The following RYR1 variants were observed in gnomAD, a reference collection of about 807,000 sequenced individuals.
RYR1 encodes central core disease of muscle.
In RYR1, 342 loss-of-function variants were observed where a neutral mutation model predicts 583.5. The ratio of observed to expected loss-of-function variants is 0.59; its 90% CI spans 0.54 to 0.64. The LOEUF is 0.64. Among genes scored for constraint, RYR1 ranks in the 30% least tolerant of loss-of-function variants. The probability of loss-of-function intolerance (pLI) is 0.00; values close to 1 mark genes in which losing one functional copy is unlikely to be tolerated. For missense variants in RYR1, 6,032 were observed against 6,917.2 expected (o/e 0.87, Z 4.54); for synonymous variants, 2,791 against 2,822.5 (o/e 0.99, Z 0.35).
At chr19:38,557,646 A>T (rs1357348957) in intron 89 of RYR1, among the ~76,000 whole-genome samples, 2 of 152,216 alleles carry the variant, frequency 1.3e-5, no homozygotes, top group African/African-American at 2.4e-5. Flanking sequence ...CCTACAAAAA[A>T]TACAAAAATT....
chr19:38,437,469 TTTTA>T (rs1248879499), intron 1 of RYR1, among the ~76,000 whole-genome samples: 2 of 152,108 alleles, frequency 1.3e-5, no homozygotes, highest in African/African-American at 2.4e-5. Context: ...GGCAAGTGAT[TTTTA>T]TTTTTCTCTC....
rs1968180034 is a variant in RYR1, at chr19:38,467,673, C to T, written c.3242C>T (p.Thr1081Ile). 1.2e-6 allele frequency: 2 copies of T among 1,614,132 alleles called. No individual in the cohort carries two copies. The highest frequency in any genetic ancestry group is 1.7e-6 in the Non-Finnish European group (2 of 1,180,054). Residue 1081 changes from threonine (T) to isoleucine (I), a missense_variant, in exon 25 of 106, where the codon ACA (threonine) becomes ATA (isoleucine). Coordinates refer to ENST00000359596, the MANE Select transcript of RYR1 (RefSeq NM_000540.3). Reference sequence around the variant, plus strand: ...ATCTTCCGGGCAGAGAAATCCTATACAGTGCAGAGCGGCCGCTGGTACTTC... The same window carrying T: ...ATCTTCCGGGCAGAGAAATCCTATATAGTGCAGAGCGGCCGCTGGTACTTC... ...VRIFRAEKSY[T>I]VQSGRWYFEF...
At position 38,516,073 on chromosome 19, in the gene RYR1, G is replaced by A. The variant is rs763353979; in HGVS notation, c.9555-14G>A. The A allele has an allele frequency of 1.2e-4, 190 of 1,546,458 alleles. No homozygotes were observed. The highest frequency in any genetic ancestry group is 1.6e-4 in the Non-Finnish European group (185 of 1,144,880). ...GGGGGACACGTGGCAGCTAAACACA[G>A]CCCCGTCTTCCAGGCTTCGGCCAGC... On this transcript the variant is annotated splice_polypyrimidine_tract_variant and intron_variant, in intron 64 of 105. Coordinates refer to ENST00000359596, the MANE Select transcript of RYR1 (RefSeq NM_000540.3).
At position 38,572,151 on chromosome 19, in the gene RYR1, A is replaced by C; in HGVS notation, c.13879A>C (p.Asn4627His). 1 of 1,613,140 alleles carries C rather than the reference A, an allele frequency of 6.2e-7. No homozygotes were observed. Among genetic ancestry groups the C allele is most frequent in the Non-Finnish European group, 8.5e-7 (1 of 1,179,794 alleles). ...GEEAEGDEDE[N>H]MVYYFLEEST... is the part of the protein sequence containing the mutation. The stretch of plus-strand genomic sequence containing the variant: ...GGAGGCAGAGGGCGATGAGGATGAG[A>C]ACATGGTGTACTACTTCCTGGAGGA... Residue 4627 changes from asparagine to histidine, a missense_variant, in exon 95 of 106, where the codon AAC (asparagine) becomes CAC (histidine). Coordinates refer to ENST00000359596, the MANE Select transcript of RYR1 (RefSeq NM_000540.3).
At position 38,504,226 on chromosome 19, in the gene RYR1, A is replaced by G. The variant is rs201754005; in HGVS notation, c.7933A>G (p.Thr2645Ala). 2 of 1,612,444 alleles carry G rather than the reference A, an allele frequency of 1.2e-6. No homozygotes were observed. Among genetic ancestry groups the G allele is most frequent in the Non-Finnish European group, 1.7e-6 (2 of 1,179,484 alleles). The change falls in exon 50 of 106, where the codon ACC becomes GCC. Residue 2645 changes from threonine (T) to alanine (A), a missense_variant. Coordinates refer to ENST00000359596, the MANE Select transcript of RYR1 (RefSeq NM_000540.3). ...CCCTCTTGTTCCCACCCAGCTCCTC[A>G]CCAACCACTATGAGCGCTGTTGGAA... ...EFAKMPLKLL[T>A]NHYERCWKYY...
chr19:38,532,754 G>A lies in RYR1; in HGVS notation c.11259+18G>A, dbSNP rs1359533477. On this transcript the variant is annotated intron_variant, in intron 78 of 105. Transcript: ENST00000359596. ...CCTTTGAGGTAGGTGGGCTCAGGAG[G>A]TCCTGGAGGGAAGGGATGGGGGACC... 2 of 1,613,094 alleles carry A rather than the reference G, an allele frequency of 1.2e-6. No homozygotes were observed. The highest frequency in any genetic ancestry group is 3.3e-5 in the Admixed American group (2 of 59,982).
At chr19:38,566,652 G>A (rs1211857988) in intron 91 of RYR1, among the ~76,000 whole-genome samples, 1 of 151,706 alleles carries the variant, frequency 6.6e-6, no homozygotes, top group African/African-American at 2.4e-5. Context: ...AAGGTGGTGG[G>A]AAGCCCTGGG....
intron 35 of RYR1, among the ~76,000 whole-genome samples, chr19:38,489,723 G>A (rs562236983): frequency 6.6e-5 from 10 of 152,274 alleles, no homozygotes; most frequent in African/African-American, 2.4e-4. Context: ...CCGCCTCCCG[G>A]GTTCAAGCAA....
rs112148182 is a variant in RYR1, at chr19:38,537,747, A to T, written c.11609-133A>T. 0.069 allele frequency: 58,292 copies of T among 849,598 alleles called. 3,397 individuals carry two copies. Among genetic ancestry groups the T allele is most frequent in the South Asian group, 0.21 (15,893 of 74,262 alleles). The allele number at this position is 849,598 out of a possible 1,614,324, so 52.6% of individuals were successfully genotyped here. A position where few individuals can be genotyped will look rare whatever the true frequency, so the allele number is the denominator to read the frequency against. ...CCCATGGCCCTCACAGTGTCTTTGG[A>T]GTGGCAGCTGCTCCTCCCAGCACCC... On this transcript the variant is annotated intron_variant, in intron 83 of 105. Coordinates refer to ENST00000359596, the MANE Select transcript of RYR1 (RefSeq NM_000540.3).
At chr19:38,484,314 G>A (rs1969165353) in intron 33 of RYR1, among the ~76,000 whole-genome samples, 1 of 151,734 alleles carries the variant, frequency 6.6e-6, no homozygotes, top group African/African-American at 2.4e-5. Flanking sequence ...TCTGAACGTG[G>A]GAGGAATCCC....
At chr19:38,443,917 C>T (rs562374701) in intron 5 of RYR1, 121 bp downstream of exon 5, 12 of 950,618 alleles carry the variant, frequency 1.3e-5, no homozygotes, top group East Asian at 7.6e-5. Context: ...ATGGGGGCTT[C>T]GTAGCAGAGA....
At position 38,527,796 on chromosome 19, in the gene RYR1, C is replaced by A. The variant is rs1971536516; in HGVS notation, c.10824+12C>A. The A allele has an allele frequency of 2.5e-6, 4 of 1,612,344 alleles. No individual in the cohort carries two copies. The highest frequency in any genetic ancestry group is 3.3e-4 in the Middle Eastern group (2 of 6,018). ...ACTACCTGGACCAGGTGGGTGGGGC[C>A]GGAGGGGTCTTTCTACTGGGTCTCT... On this transcript the variant is annotated intron_variant, in intron 73 of 105. Transcript: ENST00000359596.
chr19:38,482,877 G>T, intron 31 of RYR1, 150 bp from the exon 32 acceptor site: 1 of 728,612 alleles, frequency 1.4e-6, no homozygotes, highest in African/African-American at 1.7e-5. Flanking sequence ...TGGATCAGAG[G>T]TGGGACAGTC....
intron 27 of RYR1, among the ~76,000 whole-genome samples, chr19:38,471,396 G>A (rs185756832): frequency 8.6e-4 from 131 of 152,246 alleles, no homozygotes; most frequent in African/African-American, 2.5e-3. Flanking sequence ...TGGGCATGGT[G>A]GTATGTGCCT....
intron 84 of RYR1, chr19:38,538,702 G>A (rs1972079520): frequency 6.6e-6 from 1 of 152,288 alleles, no homozygotes. Context: ...TAAAATCTTT[G>A]CAGAGGAAAG....
At chr19:38,437,370 GA>G (rs1972474399) in intron 1 of RYR1, among the ~76,000 whole-genome samples, 1 of 152,020 alleles carries the variant, frequency 6.6e-6, no homozygotes, top group African/African-American at 2.4e-5. Context: ...TCTAATTCAG[GA>G]AAAGTTTGAG....
In RYR1 at chr19:38,459,327, G is replaced by A. The variant is rs753447100; in HGVS notation, c.2349G>A (p.Ser783=). ...TCTTCTTCCCTGTTGTCAGCTTCTCGGCTGGTGTCAAGTGAGAACTTGCCC... is the reference window on the plus strand; with the variant it reads ...TCTTCTTCCCTGTTGTCAGCTTCTCAGCTGGTGTCAAGTGAGAACTTGCCC... The part of the protein sequence containing the change: ...DGLFFPVVSF[S]AGVKVRFLLG... Residue 783 remains serine (S), a synonymous_variant, in exon 19 of 106, where the codon TCG becomes TCA. Transcript: ENST00000359596. 31 of 1,613,822 alleles carry A rather than the reference G, an allele frequency of 1.9e-5. No homozygotes were observed. Among genetic ancestry groups the A allele is most frequent in the Middle Eastern group, 1.6e-4 (1 of 6,076 alleles).
rs767437406 is a variant in RYR1, at chr19:38,548,375, C to T, written c.12237C>T (p.Tyr4079=). 9.9e-5 allele frequency: 160 copies of T among 1,614,020 alleles called. No individual in the cohort carries two copies. The highest frequency in any genetic ancestry group is 1.6e-4 in the Middle Eastern group (1 of 6,084). ...DIVGSEAFQD[Y]VTDPRGLISK... is the part of the protein sequence containing the mutation. Reference sequence around the variant, plus strand: ...TGGGCTCTGAAGCCTTCCAGGACTACGTAACGGATCCCCGTGGCCTCATCT... The same window carrying T: ...TGGGCTCTGAAGCCTTCCAGGACTATGTAACGGATCCCCGTGGCCTCATCT... The change falls in exon 89 of 106, where the codon TAC becomes TAT. Residue 4079 remains tyrosine, a synonymous_variant. Transcript: ENST00000359596.
At position 38,507,816 on chromosome 19, in the gene RYR1, T is replaced by C. The variant is rs1020896447; in HGVS notation, c.8921T>C (p.Ile2974Thr). The C allele has an allele frequency of 4.0e-5, 65 of 1,610,494 alleles. No homozygotes were observed. The highest frequency in any genetic ancestry group is 5.2e-5 in the Non-Finnish European group (61 of 1,177,278). ...TGGATGGACATTTCTCAGGAGTTCA[T>C]TGCCCACCTGGGTACGGAGAAATAC... is the stretch of plus-strand genomic sequence containing the variant. ...LRWMDISQEFIAHLEAVVSSG... is the reference protein window; with the variant it reads ...LRWMDISQEFTAHLEAVVSSG... Residue 2974 changes from isoleucine (I) to threonine (T), a missense_variant, in exon 58 of 106, where the codon ATT (isoleucine) becomes ACT (threonine). Coordinates refer to ENST00000359596, the MANE Select transcript of RYR1 (RefSeq NM_000540.3).
Sources: allele counts gnomAD v4.1 joint callset (sites outside exome capture counted in the v4.1 genomes callset), GRCh38; gene constraint gnomAD v4.1.1; transcripts MANE v1.5; gene names NCBI Gene and HGNC (gene_info 2026-07-23, HGNC 2026-07-21).